The following IPO5 variants were observed in gnomAD, a reference collection of about 807,000 sequenced individuals.
The protein encoded by IPO5 is importin-5.
In IPO5, 18 loss-of-function variants were observed where a neutral mutation model predicts 143.3. The observed-to-expected ratio is 0.13, with a 90% CI of 0.09 to 0.19. The LOEUF (loss-of-function observed/expected upper bound fraction) is 0.19. IPO5 is among the 10% of genes least tolerant of loss of function. The probability of loss-of-function intolerance (pLI) is 1.00; values close to 1 mark genes in which losing one functional copy is unlikely to be tolerated. For synonymous variants in IPO5, 477 were observed against 465.7 expected (o/e 1.02, Z -0.31); for missense variants, 1,013 against 1,336.9 (o/e 0.76, Z 3.78).
chr13:98,014,504 C>T (rs1749463968), intron 22 of IPO5, among the ~76,000 whole-genome samples: 1 of 152,186 alleles, frequency 6.6e-6, no homozygotes, highest in Admixed American at 6.5e-5. Flanking sequence ...GGTGATCCAC[C>T]TCGGCCTCCC....
intron 2 of IPO5, among the ~76,000 whole-genome samples, chr13:97,961,674 T>C (rs77622998): frequency 2.6e-5 from 4 of 152,242 alleles, no homozygotes; most frequent in African/African-American, 9.6e-5. Context: ...TCTCTAATGA[T>C]GAATGATGTT....
At chr13:97,975,353 T>C (rs1469371645) in intron 3 of IPO5, among the ~76,000 whole-genome samples, 1 of 152,016 alleles carries the variant, frequency 6.6e-6, no homozygotes, top group Non-Finnish European at 1.5e-5. Flanking sequence ...TAGCTGGGCA[T>C]GGTGGAACAT....
intron 2 of IPO5, among the ~76,000 whole-genome samples, chr13:97,966,375 A>G (rs1885338491): frequency 6.6e-6 from 1 of 152,194 alleles, no homozygotes; most frequent in Admixed American, 6.5e-5. Flanking sequence ...CTTATCCTGC[A>G]TCAATTGAGA....
chr13:97,972,012 T>C (rs931512973), intron 3 of IPO5, among the ~76,000 whole-genome samples: 2 of 152,180 alleles, frequency 1.3e-5, no homozygotes, highest in Non-Finnish European at 2.9e-5. Context: ...CCAGGTTAAT[T>C]ATTAACAAAA....
chr13:97,969,464 G>A (rs1457325632), intron 2 of IPO5, among the ~76,000 whole-genome samples: 3 of 152,182 alleles, frequency 2.0e-5, no homozygotes, highest in Non-Finnish European at 4.4e-5. Context: ...TTATAGGCGT[G>A]AGCCACTGCA....
At chr13:97,979,908 G>A (rs1886698412) in intron 4 of IPO5, 1 of 456,566 alleles carries the variant, frequency 2.2e-6, no homozygotes, top group Non-Finnish European at 4.4e-6. Flanking sequence ...ATAGATAAAA[G>A]TCATGTGTCC....
At position 98,002,881 on chromosome 13, in the gene IPO5, G is replaced by C. The variant is rs908783576; in HGVS notation, c.1341G>C (p.Leu447=). 1 of 1,612,374 alleles carries C rather than the reference G, an allele frequency of 6.2e-7. No homozygotes were observed. The highest frequency in any genetic ancestry group is 8.5e-7 in the Non-Finnish European group (1 of 1,179,408). Residue 447 remains leucine (L), a synonymous_variant, in exon 16 of 29, where the codon CTG becomes CTC. Transcript: ENST00000651721. ...KFHEKVIAAL[L]QTMEDQGNQR... The stretch of plus-strand genomic sequence containing the variant: ...TTTCACAGGTGATTGCAGCTCTGCT[G>C]CAGACCATGGAAGACCAAGGCAATC...
Position 98,014,109 on chromosome 13 carries a change from G to A in IPO5, c.2220G>A (p.Glu740=). The change falls in exon 22 of 29, where the codon GAG becomes GAA. Residue 740 remains glutamate (E), a synonymous_variant. Transcript: ENST00000651721. ...LLECARVRGP[E]YLTQMWHFMC... ...AGTGTGCAAGAGTCCGTGGTCCTGA[G>A]TATCTCACACAGATGTGGCATTTTA... The A allele has an allele frequency of 6.2e-7, 1 of 1,614,004 alleles. No homozygotes were observed. Among genetic ancestry groups the A allele is most frequent in the Non-Finnish European group, 8.5e-7 (1 of 1,179,894 alleles).
At chr13:97,979,987 G>T in intron 4 of IPO5, 1 of 456,164 alleles carries the variant, frequency 2.2e-6, no homozygotes, top group Non-Finnish European at 4.4e-6. Flanking sequence ...GAGTACATAT[G>T]AGCATTTCTT....
At chr13:97,974,198 A>G (rs1051952971) in intron 3 of IPO5, among the ~76,000 whole-genome samples, 102 of 152,226 alleles carry the variant, frequency 6.7e-4, no homozygotes, top group African/African-American at 2.3e-3. Flanking sequence ...ATATCGCAAC[A>G]GGTGTTAAAA....
In IPO5 at chr13:98,014,068, A is replaced by G. The variant is rs1889925189; in HGVS notation, c.2179A>G (p.Met727Val). The change falls in exon 22 of 29, where the codon ATG becomes GTG. Residue 727 changes from methionine (M) to valine (V), a missense_variant. Transcript: ENST00000651721. Reference protein sequence around the residue: ...DGVRVAAAESMPLLLECARVR... With the variant: ...DGVRVAAAESVPLLLECARVR... ...TGTTCGAGTGGCAGCAGCGGAATCC[A>G]TGCCTCTTCTCCTGGAGTGTGCAAG... The G allele has an allele frequency of 6.2e-7, 1 of 1,609,710 alleles. No individual in the cohort carries two copies. The highest frequency in any genetic ancestry group is 8.5e-7 in the Non-Finnish European group (1 of 1,178,996).
intron 6 of IPO5, chr13:97,986,911 A>C (rs1301161218): frequency 6.6e-6 from 1 of 152,288 alleles, no homozygotes; most frequent in Non-Finnish European, 1.5e-5. Flanking sequence ...GCTCTGATAC[A>C]TTGAGGGGGA....
At chr13:97,999,912 T>A (rs950205895) in intron 12 of IPO5, among the ~76,000 whole-genome samples, 3 of 152,212 alleles carry the variant, frequency 2.0e-5, no homozygotes, top group Admixed American at 2.0e-4. Context: ...TCAATACTGC[T>A]TTTACTGGAG....
intron 6 of IPO5, chr13:97,988,251 T>A (rs1887536958): frequency 6.5e-6 from 1 of 154,122 alleles, no homozygotes. Context: ...AATAACATCC[T>A]CTGGCACTAT....
At chr13:97,963,677 G>A (rs1254708788) in intron 2 of IPO5, among the ~76,000 whole-genome samples, 1 of 152,008 alleles carries the variant, frequency 6.6e-6, no homozygotes, top group Non-Finnish European at 1.5e-5. Flanking sequence ...CATTATTACA[G>A]CTTTATAGTA....
chr13:97,986,331 T>C (rs1224893941), intron 6 of IPO5, among the ~76,000 whole-genome samples: 1 of 152,106 alleles, frequency 6.6e-6, no homozygotes, highest in Admixed American at 6.5e-5. Flanking sequence ...ATACATATAC[T>C]GTTACGTAGC....
In IPO5 at chr13:98,010,110, C is replaced by T. The variant is rs1447356139; in HGVS notation, c.1941C>T (p.Asp647=). The part of the protein sequence containing the change: ...KPEVALLDTQ[D]MENMSDDDGW... The stretch of plus-strand genomic sequence containing the variant: ...TTTCTTCTCCGTTAATAGCCCAAGA[C>T]ATGGAGAATATGAGTGATGATGATG... The change falls in exon 20 of 29, where the codon GAC becomes GAT. Residue 647 remains aspartate (D), a synonymous_variant. Transcript: ENST00000651721. 4 of 1,613,910 alleles carry T rather than the reference C, an allele frequency of 2.5e-6. No individual in the cohort carries two copies. The highest frequency in any genetic ancestry group is 3.4e-6 in the Non-Finnish European group (4 of 1,179,960).
At chr13:97,973,539 G>T (rs772193490) in intron 3 of IPO5, among the ~76,000 whole-genome samples, 74 of 152,132 alleles carry the variant, frequency 4.9e-4, no homozygotes, top group Non-Finnish European at 5.9e-5. Context: ...CCATTGTCAG[G>T]ACATCTGCTA....
In IPO5 at chr13:98,006,406, G is replaced by A. The variant is rs539323284; in HGVS notation, c.1716+58G>A. The A allele has an allele frequency of 4.8e-5, 48 of 996,492 alleles. No individual in the cohort carries two copies. In the Admixed American group the frequency reaches 1.3e-3, roughly 28 times the overall value. 61.7% of individuals were successfully genotyped at this position (996,492 alleles called of 1,614,324 possible). A position where few individuals can be genotyped will look rare whatever the true frequency, so the allele number is the denominator to read the frequency against. On this transcript the variant is annotated intron_variant, in intron 17 of 28. Coordinates refer to ENST00000651721, the MANE Select transcript of IPO5 (RefSeq NM_002271.6). ...TTTTTTTTTTTTGAGACAGAGTCTC[G>A]CTCTGTCACCCAGGCTGGAGTGCAG...
Sources: gnomAD v4.1 joint callset for allele counts (sites outside exome capture counted in the v4.1 genomes callset) on GRCh38, gnomAD v4.1.1 for gene constraint, MANE v1.5 for transcripts, NCBI Gene and HGNC (gene_info 2026-07-23, HGNC 2026-07-21) for gene names.